Variants in WIPF3 observed in about 807,000 individuals in gnomAD.
The protein encoded by WIPF3 is WAS/WASL-interacting protein family member 3.
In WIPF3, 33 loss-of-function variants were observed where a neutral mutation model predicts 38.9. The ratio of observed to expected loss-of-function variants is 0.85; its 90% CI spans 0.64 to 1.14. The LOEUF (loss-of-function observed/expected upper bound fraction) is 1.14, where lower values mean the gene tolerates loss of function less well. Among genes scored for constraint, WIPF3 ranks in the 50% most tolerant of loss-of-function variants. The pLI is 0.00. For synonymous variants in WIPF3, 324 were observed against 269.3 expected, an observed-to-expected ratio of 1.20 and a Z score of -1.99; for missense variants, 711 against 652.5, an observed-to-expected ratio of 1.09 and a Z score of -0.98.
At chr7:29,907,767 A>T (rs1786425604) in intron 8 of WIPF3, among the ~76,000 whole-genome samples, 1 of 152,200 alleles carries the variant, frequency 6.6e-6, no homozygotes. Context: ...TTTAAGAAAT[A>T]AATTTCTGCT....
At chr7:29,812,308 A>T (rs1386855612) in intron 1 of WIPF3, among the ~76,000 whole-genome samples, 1 of 152,188 alleles carries the variant, frequency 6.6e-6, no homozygotes, top group Non-Finnish European at 1.5e-5. Context: ...TCTGGCTTAC[A>T]TGGATTTGTT....
intron 2 of WIPF3, among the ~76,000 whole-genome samples, chr7:29,838,180 A>C (rs1027224285): frequency 1.3e-5 from 2 of 152,078 alleles, no homozygotes; most frequent in African/African-American, 4.8e-5. Context: ...AGCCTCCCAA[A>C]GTGCTGGGAT....
chr7:29,822,380 C>T (rs556163429), intron 1 of WIPF3, among the ~76,000 whole-genome samples: 58 of 152,218 alleles, frequency 3.8e-4, no homozygotes, highest in African/African-American at 1.3e-3. Flanking sequence ...TAATTTTGGA[C>T]CCTCCTTTCC....
In WIPF3 at chr7:29,833,330, T is replaced by C. The variant is rs534621363; in HGVS notation, c.-57-1338T>C. Among the ~76,000 whole-genome samples the C allele has an allele frequency of 5.3e-5, 8 of 152,368 alleles. No individual in the cohort carries two copies. The East Asian group carries it at 1.5e-3, about 29-fold the overall frequency. Reference sequence around the variant, plus strand: ...GTTAAAATGATAAATCTGATATTCTTGGACTTTAGAACCTGTTAAGCCTTG... The same window carrying C: ...GTTAAAATGATAAATCTGATATTCTCGGACTTTAGAACCTGTTAAGCCTTG... On this transcript the variant is annotated intron_variant, in intron 1 of 8. Coordinates refer to ENST00000242140, the MANE Select transcript of WIPF3 (RefSeq NM_001080529.3).
chr7:29,893,441 C>T (rs1237636045), intron 7 of WIPF3, among the ~76,000 whole-genome samples: 2 of 152,104 alleles, frequency 1.3e-5, no homozygotes, highest in South Asian at 2.1e-4. Context: ...AAGGACATGG[C>T]CATGATGTCG....
intron 3 of WIPF3, among the ~76,000 whole-genome samples, chr7:29,877,156 A>T (rs878903): frequency 0.29 from 44,392 of 152,138 alleles, 6,916 homozygotes; most frequent in African/African-American, 0.38. Context: ...GGACAAGAGT[A>T]GCATACATTC....
intron 1 of WIPF3, among the ~76,000 whole-genome samples, chr7:29,812,740 A>G (rs1784399452): frequency 6.6e-6 from 1 of 152,202 alleles, no homozygotes; most frequent in African/African-American, 2.4e-5. Flanking sequence ...GAGGAAGAAG[A>G]GGGAATGGTT....
intron 1 of WIPF3, among the ~76,000 whole-genome samples, chr7:29,819,978 C>T (rs1784511930): frequency 6.6e-6 from 1 of 151,870 alleles, no homozygotes; most frequent in African/African-American, 2.4e-5. Flanking sequence ...TATGTGTCTT[C>T]TATATTTAGA....
intron 1 of WIPF3, among the ~76,000 whole-genome samples, chr7:29,810,150 A>G (rs1331226689): frequency 1.3e-5 from 2 of 152,214 alleles, no homozygotes; most frequent in East Asian, 1.9e-4. Flanking sequence ...CTTTATATGT[A>G]GGACATCACT....
chr7:29,888,512 T>TGTGTGTGTGTGTGTGC (rs1785937067), intron 6 of WIPF3, among the ~76,000 whole-genome samples: 1 of 145,384 alleles, frequency 6.9e-6, no homozygotes, highest in African/African-American at 2.7e-5. Flanking sequence ...TGTGTGTGCG[T>TGTGTGTGTGTGTGTGC]GTGTGTGTGT....
chr7:29,914,228 A>T (rs183315310), intron 8 of WIPF3, among the ~76,000 whole-genome samples: 51 of 152,102 alleles, frequency 3.4e-4, no homozygotes, highest in African/African-American at 1.2e-3. Flanking sequence ...TGTCAAGTGA[A>T]TTGCTGATGA....
intron 1 of WIPF3, among the ~76,000 whole-genome samples, chr7:29,818,074 T>A (rs1454969791): frequency 6.6e-6 from 1 of 152,216 alleles, no homozygotes; most frequent in Non-Finnish European, 1.5e-5. Context: ...CAGTACTTTC[T>A]GGCAGTTATT....
chr7:29,855,101 C>T (rs1785166938), intron 2 of WIPF3, among the ~76,000 whole-genome samples: 1 of 152,162 alleles, frequency 6.6e-6, no homozygotes, highest in Non-Finnish European at 1.5e-5. Context: ...CTATGAAGTC[C>T]CAGCTTCCAT....
Position 29,915,225 on chromosome 7 carries a change from T to C in WIPF3, c.*709T>C, listed in dbSNP as rs966860863. ...CCAAGTAGCCAGTGCTCCTACTGTT[T>C]ACAGTGTCCCTCGTGCCCAAGTCTC... On this transcript the variant is annotated 3_prime_UTR_variant, in exon 9 of 9. Transcript: ENST00000242140. 3 of 152,034 alleles carry C rather than the reference T, an allele frequency of 2.0e-5. No homozygotes were observed. Among genetic ancestry groups the C allele is most frequent in the African/African-American group, 4.8e-5 (2 of 41,352 alleles). 9.4% of individuals were successfully genotyped at this position (152,034 alleles called of 1,614,324 possible).
intron 7 of WIPF3, among the ~76,000 whole-genome samples, chr7:29,901,539 C>T (rs1049718381): frequency 2.0e-5 from 3 of 151,694 alleles, no homozygotes; most frequent in Non-Finnish European, 2.9e-5. Flanking sequence ...GTCTATAATC[C>T]CGACACTTTG....
chr7:29,871,523 A>G (rs28672210), intron 2 of WIPF3, among the ~76,000 whole-genome samples: 17,460 of 152,244 alleles, frequency 0.11, 1,559 homozygotes, highest in African/African-American at 0.25. Flanking sequence ...GATTAGAATC[A>G]ACCAGCTAAG....
At chr7:29,886,726 A>G (rs1221474660) in intron 5 of WIPF3, among the ~76,000 whole-genome samples, 2 of 152,156 alleles carry the variant, frequency 1.3e-5, no homozygotes, top group Non-Finnish European at 2.9e-5. Flanking sequence ...ACTCCTGTGG[A>G]AACTCACACC....
At chr7:29,809,549 T>A (rs996088546) in intron 1 of WIPF3, among the ~76,000 whole-genome samples, 3 of 152,246 alleles carry the variant, frequency 2.0e-5, no homozygotes, top group Admixed American at 2.0e-4. Context: ...AAGTGATTAA[T>A]TGCTTTTTAT....
Position 29,830,619 on chromosome 7 carries a change from C to CA in WIPF3, c.-57-4032dup, listed in dbSNP as rs56261573. ...TGGGTGACAGAGCGAGACTCTGTCT[C>CA]AAAAAAAAAAAAAAAAAGAAAGAAA... is the stretch of plus-strand genomic sequence containing the variant. On this transcript the variant is annotated intron_variant, in intron 1 of 8. Coordinates refer to ENST00000242140, the MANE Select transcript of WIPF3 (RefSeq NM_001080529.3). Among the ~76,000 whole-genome samples the CA allele has an allele frequency of 3.1e-3, 307 of 100,618 alleles. 1 individual carries two copies. The highest frequency in any genetic ancestry group is 6.8e-3 in the African/African-American group (182 of 26,678). 66.0% of individuals were successfully genotyped at this position (100,618 alleles called of 152,430 possible).
Sources: gnomAD v4.1 joint callset for allele counts (sites outside exome capture counted in the v4.1 genomes callset) on GRCh38, gnomAD v4.1.1 for gene constraint, MANE v1.5 for transcripts, NCBI Gene and HGNC (gene_info 2026-07-23, HGNC 2026-07-21) for gene names.